COLEC12: variants seen among roughly 807,000 people sequenced by gnomAD.
The protein encoded by COLEC12 is collectin-12.
COLEC12 carries 33 observed loss-of-function variants against 71.1 expected under a neutral mutation model. The ratio of observed to expected loss-of-function variants is 0.46; its 90% CI spans 0.35 to 0.62. The LOEUF (loss-of-function observed/expected upper bound fraction) is 0.62, where lower values mean the gene tolerates loss of function less well. Ranked by LOEUF, COLEC12 falls within the 20% of genes least tolerant of loss-of-function variation. The pLI, the probability that COLEC12 is intolerant of heterozygous loss-of-function variation, is 0.00. For missense variants in COLEC12, 765 were observed against 916.1 expected, an observed-to-expected ratio of 0.84 and a Z score of 2.13; for synonymous variants, 350 against 353.0, an observed-to-expected ratio of 0.99 and a Z score of 0.10.
At chr18:447,639 A>G (rs8092116) in intron 2 of COLEC12, among the ~76,000 whole-genome samples, 398 of 152,346 alleles carry the variant, frequency 2.6e-3, no homozygotes, top group African/African-American at 9.2e-3. Flanking sequence ...AAAGCGGGAT[A>G]GGATAATCCC....
intron 2 of COLEC12, among the ~76,000 whole-genome samples, chr18:386,442 C>A (rs889906173): frequency 2.6e-5 from 4 of 152,190 alleles, no homozygotes; most frequent in African/African-American, 9.6e-5. Context: ...AGATGTACAA[C>A]CTCAAGCCTG....
intron 2 of COLEC12, among the ~76,000 whole-genome samples, chr18:359,469 G>A (rs1371238713): frequency 1.3e-5 from 2 of 152,286 alleles, no homozygotes; most frequent in Middle Eastern, 3.4e-3. Flanking sequence ...TTATCACAGC[G>A]ATTTGAATAA....
At chr18:365,566 A>T (rs1270306506) in intron 2 of COLEC12, among the ~76,000 whole-genome samples, 1 of 152,170 alleles carries the variant, frequency 6.6e-6, no homozygotes, top group Non-Finnish European at 1.5e-5. Flanking sequence ...CAGAGCCAAA[A>T]AACTGCTTGT....
intron 3 of COLEC12, among the ~76,000 whole-genome samples, chr18:349,171 A>G (rs1177710549): frequency 6.6e-6 from 1 of 152,284 alleles, no homozygotes; most frequent in East Asian, 1.9e-4. Flanking sequence ...GAGGCCCAGG[A>G]GAAAATGGTT....
intron 5 of COLEC12, among the ~76,000 whole-genome samples, chr18:344,341 C>T (rs1330532490): frequency 1.3e-5 from 2 of 152,150 alleles, no homozygotes; most frequent in Non-Finnish European, 2.9e-5. Context: ...TTGTTTCACC[C>T]AGTGGCATTC....
intron 2 of COLEC12, among the ~76,000 whole-genome samples, chr18:456,224 A>G (rs1489297463): frequency 6.6e-6 from 1 of 152,218 alleles, no homozygotes; most frequent in East Asian, 1.9e-4. Flanking sequence ...AAAACCCAAC[A>G]GGCACACTGT....
chr18:392,072 T>C (rs1300016601), intron 2 of COLEC12, among the ~76,000 whole-genome samples: 4 of 152,226 alleles, frequency 2.6e-5, no homozygotes, highest in African/African-American at 9.6e-5. Context: ...GGGCCATTCA[T>C]GGGATCCAGG....
rs2305026 is a variant in COLEC12 at position 334,758 on chromosome 18, T to C, written c.1800A>G (p.Pro600=). ...TGGACTTACCATTGTCCTCCGGTGC[T>C]GGGGTTGGCTCATTCTGCAGGGCCA... ...VPLALQNEPT[P]APEDNGCPPH... is the part of the protein sequence containing the mutation. Residue 600 remains proline, a synonymous_variant, in exon 6 of 10, where the codon CCA becomes CCG. Transcript: ENST00000400256. The C allele has an allele frequency of 0.84, 1,230,684 of 1,468,874 alleles. 516,765 individuals are homozygous for C. The highest frequency in any genetic ancestry group is 0.98 in the East Asian group (37,825 of 38,484). The allele number at this position is 1,468,874 out of a possible 1,614,324, so 91.0% of individuals were successfully genotyped here.
chr18:477,240 T>C (rs1917323310), intron 2 of COLEC12, among the ~76,000 whole-genome samples: 1 of 152,142 alleles, frequency 6.6e-6, no homozygotes, highest in Non-Finnish European at 1.5e-5. Context: ...AAGCACAATA[T>C]TATTATGTAA....
chr18:353,214 C>T (rs1914561005), intron 3 of COLEC12, among the ~76,000 whole-genome samples: 1 of 152,222 alleles, frequency 6.6e-6, no homozygotes, highest in African/African-American at 2.4e-5. Flanking sequence ...AAGTTGATTC[C>T]ACTGCACACC....
chr18:365,756 C>T (rs1284966966), intron 2 of COLEC12, among the ~76,000 whole-genome samples: 1 of 152,166 alleles, frequency 6.6e-6, no homozygotes, highest in East Asian at 1.9e-4. Flanking sequence ...ACCTCCTTGA[C>T]CCTGTGGTTC....
At chr18:493,938 CAGATCTTTAAAA>C (rs1267329740) in intron 1 of COLEC12, among the ~76,000 whole-genome samples, 11 of 152,058 alleles carry the variant, frequency 7.2e-5, no homozygotes, top group Non-Finnish European at 1.5e-4. Flanking sequence ...ATTTGAAACA[CAGATCTTTAAAA>C]ATATCATGTC....
rs2143713968 is a variant in COLEC12 at position 451,433 on chromosome 18, A to C, written c.58+29274T>G. Among the ~76,000 whole-genome samples, 2 of 152,306 alleles carry C rather than the reference A, an allele frequency of 1.3e-5. 1 individual carries two copies. Among genetic ancestry groups the C allele is most frequent in the Non-Finnish European group, 2.9e-5 (2 of 68,024 alleles). On this transcript the variant is annotated intron_variant, in intron 2 of 9. Coordinates refer to ENST00000400256, the MANE Select transcript of COLEC12 (RefSeq NM_130386.3). ...GTGGCCTGGCTGCTTCTAACAACCT[A>C]TATTCATATGCATGAGCAAAGAAAT...
chr18:337,450 C>G (rs1914144269), intron 5 of COLEC12, among the ~76,000 whole-genome samples: 1 of 152,180 alleles, frequency 6.6e-6, no homozygotes, highest in African/African-American at 2.4e-5. Flanking sequence ...AGCTTAGGCT[C>G]TGGACTTAAT....
chr18:428,896 C>G (rs150248466), intron 2 of COLEC12, among the ~76,000 whole-genome samples: 10 of 152,266 alleles, frequency 6.6e-5, no homozygotes, highest in African/African-American at 2.4e-4. Flanking sequence ...TACTAAGGAA[C>G]ACAAACACCG....
At chr18:396,553 C>G (rs576582967) in intron 2 of COLEC12, among the ~76,000 whole-genome samples, 25 of 152,336 alleles carry the variant, frequency 1.6e-4, no homozygotes, top group Non-Finnish European at 3.7e-4. Flanking sequence ...AGGGTTTTCT[C>G]CACTGAATCT....
intron 2 of COLEC12, among the ~76,000 whole-genome samples, chr18:404,000 T>G (rs11662321): frequency 0.24 from 35,925 of 152,158 alleles, 5,332 homozygotes; most frequent in South Asian, 0.47. Flanking sequence ...GTTGGGTTAT[T>G]TATTTATCTT....
chr18:440,520 T>A (rs1025049849), intron 2 of COLEC12, among the ~76,000 whole-genome samples: 1 of 152,198 alleles, frequency 6.6e-6, no homozygotes, highest in Non-Finnish European at 1.5e-5. Context: ...TTGTGAATTA[T>A]ACCTCAACAA....
rs147141199 is a variant in COLEC12, at chr18:473,547, G to A, written c.58+7160C>T. On this transcript the variant is annotated intron_variant, in intron 2 of 9. Transcript: ENST00000400256. ...CTCAGCTAATTTTGTATTTTTAGTA[G>A]AGACAGGGTTTCTCCACATTGGTCA... 5.3e-3 allele frequency among the ~76,000 whole-genome samples: 806 copies of A among 151,964 alleles called. 11 individuals are homozygous for A. Among genetic ancestry groups the A allele is most frequent in the African/African-American group, 0.018 (766 of 41,430 alleles).
Sources: allele counts gnomAD v4.1 joint callset (sites outside exome capture counted in the v4.1 genomes callset), GRCh38; gene constraint gnomAD v4.1.1; transcripts MANE v1.5; gene names NCBI Gene and HGNC (gene_info 2026-07-23, HGNC 2026-07-21).